Variants in SUSD1 observed in about 807,000 individuals in gnomAD.
The protein encoded by SUSD1 is sushi domain-containing protein 1.
Under a neutral mutation model 86.9 loss-of-function variants are expected in SUSD1, and 65 were observed. The observed-to-expected ratio is 0.75, with a 90% CI of 0.61 to 0.92. SUSD1 has a LOEUF of 0.92. SUSD1 is among the 40% of genes least tolerant of loss of function. The probability of loss-of-function intolerance (pLI) is 0.00; values close to 1 mark genes in which losing one functional copy is unlikely to be tolerated. For missense variants in SUSD1, 850 were observed against 929.7 expected, an observed-to-expected ratio of 0.91 and a Z score of 1.11; for synonymous variants, 346 against 350.0, an observed-to-expected ratio of 0.99 and a Z score of 0.13.
chr9:112,151,932 G>T (rs1383003945), intron 2 of SUSD1, among the ~76,000 whole-genome samples: 3 of 152,142 alleles, frequency 2.0e-5, no homozygotes, highest in Non-Finnish European at 2.9e-5. Context: ...TACTCAGGAG[G>T]CTGAGGCAGG....
intron 13 of SUSD1, among the ~76,000 whole-genome samples, chr9:112,060,735 C>T (rs1828684252): frequency 6.6e-6 from 1 of 152,230 alleles, no homozygotes; most frequent in African/African-American, 2.4e-5. Context: ...ATGGGGAACA[C>T]CTGTAACAAC....
At chr9:112,096,216 AT>A (rs1419174266) in intron 10 of SUSD1, among the ~76,000 whole-genome samples, 8 of 152,162 alleles carry the variant, frequency 5.3e-5, no homozygotes, top group African/African-American at 1.9e-4. Context: ...TGGGCCTCTC[AT>A]TTATTATACT....
intron 10 of SUSD1, among the ~76,000 whole-genome samples, chr9:112,093,130 A>G (rs144244060): frequency 3.0e-4 from 45 of 152,314 alleles, no homozygotes; most frequent in Non-Finnish European, 4.6e-4. Flanking sequence ...TGAGTGTATT[A>G]AAGGTTGCTA....
At chr9:112,169,386 G>A (rs893230484) in intron 1 of SUSD1, 7 of 145,940 alleles carry the variant, frequency 4.8e-5, no homozygotes, top group Non-Finnish European at 7.4e-5. Flanking sequence ...TACTGTACTT[G>A]ACTAGTCAAA....
intron 3 of SUSD1, among the ~76,000 whole-genome samples, chr9:112,148,999 G>A (rs561079261): frequency 3.3e-5 from 5 of 151,318 alleles, no homozygotes; most frequent in East Asian, 3.9e-4. Context: ...AGATTCAATC[G>A]TTGTTTACAT....
In SUSD1 at chr9:112,143,489, C is replaced by G. The variant is rs369141407; in HGVS notation, c.508G>C (p.Asp170His). 6.2e-7 allele frequency: 1 copy of G among 1,613,318 alleles called. No individual in the cohort carries two copies. Residue 170 changes from aspartate (D) to histidine (H), a missense_variant, in exon 4 of 17, where the codon GAT becomes CAT. Asp to His is a moderately conservative substitution (Grantham distance 81). Coordinates refer to ENST00000374270, the MANE Select transcript of SUSD1 (RefSeq NM_022486.5). Reference protein sequence around the residue: ...NGPEPFHPTTDATSCTEIDCG... With the variant: ...NGPEPFHPTTHATSCTEIDCG... Reference sequence around the variant, plus strand: ...AACCCACCTGTGCATGATGTGGCATCGGTGGTCGGGTGGAAAGGTTCAGGT... The same window carrying G: ...AACCCACCTGTGCATGATGTGGCATGGGTGGTCGGGTGGAAAGGTTCAGGT...
intron 8 of SUSD1, among the ~76,000 whole-genome samples, chr9:112,104,440 C>T (rs904752175): frequency 3.2e-4 from 49 of 152,046 alleles, no homozygotes; most frequent in African/African-American, 1.1e-3. Context: ...CTTTAGCCCA[C>T]TGTAGATTAG....
At chr9:112,156,886 G>T (rs1324961398) in intron 2 of SUSD1, among the ~76,000 whole-genome samples, 1 of 152,200 alleles carries the variant, frequency 6.6e-6, no homozygotes, top group Non-Finnish European at 1.5e-5. Context: ...TGTTGTGAAA[G>T]TCTCCCTCTC....
Position 112,157,411 on chromosome 9 carries a change from G to GT in SUSD1, c.217+88dup, listed in dbSNP as rs61665072. The GT allele has an allele frequency of 1.7e-3, 1,485 of 854,152 alleles. 16 individuals are homozygous for GT. The African/African-American group carries it at 0.022, about 13-fold the overall frequency. 52.9% of individuals were successfully genotyped at this position (854,152 alleles called of 1,614,324 possible). A position where few individuals can be genotyped will look rare whatever the true frequency, so the allele number is the denominator to read the frequency against. ...AAAAACATGTGAACAAAATAACAATGTTTTTCCCCAAGGACATCAACTCTT... is the reference window on the plus strand; with the variant it reads ...AAAAACATGTGAACAAAATAACAATGTTTTTTCCCCAAGGACATCAACTCTT... On this transcript the variant is annotated intron_variant, in intron 2 of 16. Transcript: ENST00000374270.
At chr9:112,161,446 C>T (rs1833565594) in intron 1 of SUSD1, among the ~76,000 whole-genome samples, 1 of 151,874 alleles carries the variant, frequency 6.6e-6, no homozygotes, top group Non-Finnish European at 1.5e-5. Flanking sequence ...ATAATGGATC[C>T]TGGGTCAAGT....
intron 8 of SUSD1, 60 bp from the exon 9 acceptor site, chr9:112,102,345 G>A (rs577437933): frequency 2.4e-6 from 2 of 835,786 alleles, no homozygotes; most frequent in South Asian, 4.0e-5. Flanking sequence ...ATGCATCATG[G>A]CTGAGTACAA....
chr9:112,130,039 G>A (rs986026344), intron 5 of SUSD1, among the ~76,000 whole-genome samples: 2 of 152,132 alleles, frequency 1.3e-5, no homozygotes, highest in African/African-American at 4.8e-5. Context: ...TCTTGTGCCA[G>A]GGAATTATAA....
chr9:112,106,402 A>G (rs1161195144), intron 8 of SUSD1, among the ~76,000 whole-genome samples: 2 of 152,198 alleles, frequency 1.3e-5, no homozygotes, highest in Admixed American at 6.5e-5. Context: ...TTTATCTTCA[A>G]TTGAGCTCTC....
intron 3 of SUSD1, among the ~76,000 whole-genome samples, chr9:112,148,998 C>T (rs544276734): frequency 2.6e-5 from 4 of 151,936 alleles, no homozygotes; most frequent in African/African-American, 7.2e-5. Context: ...AAGATTCAAT[C>T]GTTGTTTACA....
At chr9:112,106,396 T>C (rs925390128) in intron 8 of SUSD1, among the ~76,000 whole-genome samples, 3 of 152,176 alleles carry the variant, frequency 2.0e-5, no homozygotes, top group Non-Finnish European at 4.4e-5. Context: ...AAGAATTTTA[T>C]CTTCAATTGA....
At chr9:112,085,491 T>C (rs1829939033) in intron 10 of SUSD1, among the ~76,000 whole-genome samples, 1 of 152,232 alleles carries the variant, frequency 6.6e-6, no homozygotes, top group South Asian at 2.1e-4. Flanking sequence ...AAATAACTTG[T>C]CCGAAGTTAC....
chr9:112,072,140 C>CTTTTTTTTTTTTTTTTTTT, intron 12 of SUSD1, among the ~76,000 whole-genome samples: 36 of 121,170 alleles, frequency 3.0e-4, no homozygotes, highest in Non-Finnish European at 3.6e-4. Context: ...CTTTCTTTCT[C>CTTTTTTTTTTTTTTTTTTT]TTTTTTTTTT....
At chr9:112,101,834 G>C (rs2004896) in intron 9 of SUSD1, among the ~76,000 whole-genome samples, 1 of 151,982 alleles carries the variant, frequency 6.6e-6, no homozygotes, top group African/African-American at 2.4e-5. Context: ...CAACAAGAGC[G>C]AAACTCAGTC....
Position 112,143,481 on chromosome 9 carries a change from T to C in SUSD1, c.516A>G (p.Thr172=). Residue 172 remains threonine (T), a synonymous_variant, in exon 4 of 17, where the codon ACA becomes ACG. Transcript: ENST00000374270. ...TTGGCAGAAACCCACCTGTGCATGA[T>C]GTGGCATCGGTGGTCGGGTGGAAAG... ...PEPFHPTTDA[T]SCTEIDCGTP... The C allele has an allele frequency of 6.2e-7, 1 of 1,613,274 alleles. No individual in the cohort carries two copies. The highest frequency in any genetic ancestry group is 8.5e-7 in the Non-Finnish European group (1 of 1,179,776).
Sources: allele counts gnomAD v4.1 joint callset (sites outside exome capture counted in the v4.1 genomes callset), GRCh38; gene constraint gnomAD v4.1.1; transcripts MANE v1.5; gene names NCBI Gene and HGNC (gene_info 2026-07-23, HGNC 2026-07-21).